Variants in GRAMD1B observed in about 807,000 individuals in gnomAD.
GRAMD1B encodes protein Aster-B.
GRAMD1B carries 37 observed loss-of-function variants against 99.7 expected under a neutral mutation model. The observed-to-expected ratio is 0.37, with a 90% CI of 0.29 to 0.49. GRAMD1B has a LOEUF of 0.49. Ranked by LOEUF, GRAMD1B falls within the 20% of genes least tolerant of loss-of-function variation. The pLI is 0.98. For synonymous variants in GRAMD1B, 427 were observed against 387.6 expected, an observed-to-expected ratio of 1.10 and a Z score of -1.19; for missense variants, 888 against 1,009.2, an observed-to-expected ratio of 0.88 and a Z score of 1.63.
Position 123,584,346 on chromosome 11 carries a change from T to C in GRAMD1B, c.684+14T>C. On this transcript the variant is annotated intron_variant, in intron 4 of 19. Transcript: ENST00000635736. ...AGTTGGTATAATGTAAGTATTCCTG[T>C]TTCCCTTCTTGTTGGGTACCTGAGA... The C allele has an allele frequency of 5.5e-6, 6 of 1,089,858 alleles. No homozygotes were observed. Among genetic ancestry groups the C allele is most frequent in the Non-Finnish European group, 6.4e-6 (5 of 776,046 alleles). The allele number at this position is 1,089,858 out of a possible 1,614,324, so 67.5% of individuals were successfully genotyped here.
At chr11:123,576,561 C>T (rs967408255) in intron 2 of GRAMD1B, among the ~76,000 whole-genome samples, 4 of 152,120 alleles carry the variant, frequency 2.6e-5, no homozygotes, top group African/African-American at 9.7e-5. Flanking sequence ...TTATTTGCAG[C>T]TTATAAGCCT....
Position 123,430,934 on chromosome 11 carries a change from A to ATG in GRAMD1B, c.143_144dup (p.Lys49Ter), listed in dbSNP as rs1463861811. On this transcript the variant is annotated frameshift_variant, in exon 1 of 20. Transcript: ENST00000635736. ...CCGCCGGCGCTTCAAGATGCGCCGC[A>ATG]TGAAGAACGTACAGGAGCAGAGCCT... 5 of 702,616 alleles carry ATG rather than the reference A, an allele frequency of 7.1e-6. No homozygotes were observed. Among genetic ancestry groups the ATG allele is most frequent in the Non-Finnish European group, 1.3e-5 (5 of 384,834 alleles). The allele number at this position is 702,616 out of a possible 1,614,324, so 43.5% of individuals were successfully genotyped here.
intron 3 of GRAMD1B, among the ~76,000 whole-genome samples, chr11:123,579,432 G>A (rs1949087713): frequency 1.3e-5 from 2 of 152,208 alleles, no homozygotes; most frequent in Admixed American, 1.3e-4. Flanking sequence ...TCTTGGCTGT[G>A]AGGATTTTAA....
chr11:123,578,364 C>T, intron 3 of GRAMD1B: 1 of 1,472,480 alleles, frequency 6.8e-7, no homozygotes, highest in African/African-American at 1.4e-5. Flanking sequence ...CTCTCCTCTT[C>T]TTCCCCACCA....
chr11:123,540,469 T>C (rs1452378145), intron 2 of GRAMD1B, among the ~76,000 whole-genome samples: 2 of 152,240 alleles, frequency 1.3e-5, no homozygotes, highest in Admixed American at 6.5e-5. Flanking sequence ...TGCTGGATAA[T>C]TGATGACACT....
Position 123,618,943 on chromosome 11 carries a change from A to G in GRAMD1B, c.2426+143A>G, listed in dbSNP as rs182306477. The stretch of plus-strand genomic sequence containing the variant: ...ACAGGGAAACTCAGAATCTCTCCCT[A>G]TAGTTTCAGCCCACTTCTGATCTGG... On this transcript the variant is annotated intron_variant, in intron 18 of 19. Transcript: ENST00000635736. The G allele has an allele frequency of 3.4e-4, 241 of 704,590 alleles. 5 individuals are homozygous for G. The East Asian group carries it at 4.9e-3, about 14-fold the overall frequency. The allele number at this position is 704,590 out of a possible 1,614,324, so 43.6% of individuals were successfully genotyped here. A position where few individuals can be genotyped will look rare whatever the true frequency, so the allele number is the denominator to read the frequency against.
chr11:123,526,040 G>A, intron 2 of GRAMD1B: 4 of 907,026 alleles, frequency 4.4e-6, no homozygotes, highest in Non-Finnish European at 7.2e-6. Context: ...ACATTACATG[G>A]GATTCTGTTC....
chr11:123,552,245 C>G (rs1241997855), intron 2 of GRAMD1B, among the ~76,000 whole-genome samples: 1 of 150,938 alleles, frequency 6.6e-6, no homozygotes, highest in African/African-American at 2.4e-5. Flanking sequence ...ACCAAATTTA[C>G]CTACACACAG....
chr11:123,518,565 T>G (rs1170458714), intron 2 of GRAMD1B, among the ~76,000 whole-genome samples: 1 of 152,142 alleles, frequency 6.6e-6, no homozygotes, highest in African/African-American at 2.4e-5. Context: ...TGTTTTTACC[T>G]TTTACTTTTT....
Position 123,584,296 on chromosome 11 carries a change from C to A in GRAMD1B, c.664-16C>A. ...CCCTGACTAATTCTACCTTCTCTTT[C>A]ATTTTCTCTTTTCAGAAAAGCCAGA... On this transcript the variant is annotated splice_polypyrimidine_tract_variant and intron_variant, in intron 3 of 19. Transcript: ENST00000635736. 2.8e-6 allele frequency: 3 copies of A among 1,068,854 alleles called. No individual in the cohort carries two copies. Among genetic ancestry groups the A allele is most frequent in the East Asian group, 4.9e-5 (1 of 20,442 alleles). The allele number at this position is 1,068,854 out of a possible 1,614,324, so 66.2% of individuals were successfully genotyped here. A position where few individuals can be genotyped will look rare whatever the true frequency, so the allele number is the denominator to read the frequency against.
At chr11:123,559,001 C>T (rs762556328) in intron 2 of GRAMD1B, among the ~76,000 whole-genome samples, 50 of 152,202 alleles carry the variant, frequency 3.3e-4, no homozygotes, top group Non-Finnish European at 4.4e-5. Context: ...TATTATTCAC[C>T]TTCAGCATGT....
At chr11:123,402,079 A>T (rs771433200) in intron 1 of GRAMD1B, among the ~76,000 whole-genome samples, 1 of 152,124 alleles carries the variant, frequency 6.6e-6, no homozygotes, top group Non-Finnish European at 1.5e-5. Flanking sequence ...ACAAGGGTGC[A>T]ATCTTGGCTC....
Position 123,577,539 on chromosome 11 carries a change from T to C in GRAMD1B, c.625T>C (p.Ser209Pro), listed in dbSNP as rs1214117874. Reference protein sequence around the residue: ...TPEQGVQRSCSSQSGRSGGKN... With the variant: ...TPEQGVQRSCPSQSGRSGGKN... ...GGAGCAGGGCGTGCAGCGCAGCTGC[T>C]CCTCCCAGTCCGGCCGGAGCGGCGG... The change falls in exon 3 of 20, where the codon TCC becomes CCC. Residue 209 changes from serine (S) to proline (P), a missense_variant. By Grantham distance (74) the Ser-to-Pro change is moderately conservative. Transcript: ENST00000635736. 1 of 1,596,170 alleles carries C rather than the reference T, an allele frequency of 6.3e-7. No individual in the cohort carries two copies. Among genetic ancestry groups the C allele is most frequent in the East Asian group, 2.3e-5 (1 of 43,528 alleles).
chr11:123,540,993 A>G (rs1346613150), intron 2 of GRAMD1B, among the ~76,000 whole-genome samples: 5 of 151,216 alleles, frequency 3.3e-5, no homozygotes, highest in African/African-American at 1.2e-4. Context: ...TTTCTTTTTG[A>G]GACGGAGTTC....
chr11:123,471,068 T>G (rs1198158891), intron 1 of GRAMD1B, among the ~76,000 whole-genome samples: 2 of 152,192 alleles, frequency 1.3e-5, no homozygotes, highest in East Asian at 3.8e-4. Context: ...CTGCTATCTT[T>G]GGGAGTTATC....
chr11:123,493,820 G>GT (rs2135061784), intron 2 of GRAMD1B, among the ~76,000 whole-genome samples: 2 of 152,242 alleles, frequency 1.3e-5, no homozygotes, highest in South Asian at 2.1e-4. Flanking sequence ...TAGTGGTGCT[G>GT]TTGGTGGAGA....
chr11:123,572,121 C>G (rs2136159819), intron 2 of GRAMD1B, among the ~76,000 whole-genome samples: 1 of 152,248 alleles, frequency 6.6e-6, no homozygotes, highest in East Asian at 1.9e-4. Flanking sequence ...GAGCCAGATC[C>G]AAAGTCATAT....
upstream of GRAMD1B, among the ~76,000 whole-genome samples, chr11:123,426,495 C>T (rs1948654330): frequency 1.3e-5 from 2 of 152,342 alleles, no homozygotes; most frequent in South Asian, 4.1e-4. Flanking sequence ...GCATCATCCA[C>T]GTTTCTGTCC....
chr11:123,582,154 C>A (rs1949425597), intron 3 of GRAMD1B, among the ~76,000 whole-genome samples: 1 of 152,252 alleles, frequency 6.6e-6, no homozygotes, highest in Admixed American at 6.5e-5. Flanking sequence ...CACCTTCCTA[C>A]TGCTGGGAGG....
Sources: allele counts gnomAD v4.1 joint callset (sites outside exome capture counted in the v4.1 genomes callset), GRCh38; gene constraint gnomAD v4.1.1; transcripts MANE v1.5; gene names NCBI Gene and HGNC (gene_info 2026-07-23, HGNC 2026-07-21).